The following CBFA2T2 variants were observed in gnomAD, a reference collection of about 807,000 sequenced individuals.
CBFA2T2 encodes the protein protein CBFA2T2.
A neutral mutation model predicts 62.2 loss-of-function variants in CBFA2T2; 11 were observed. The ratio of observed to expected loss-of-function variants is 0.18; its 90% CI spans 0.11 to 0.29. The LOEUF (loss-of-function observed/expected upper bound fraction) is 0.29, where lower values mean the gene tolerates loss of function less well. Among genes scored for constraint, CBFA2T2 ranks in the 10% least tolerant of loss-of-function variants. The pLI is 1.00. For synonymous variants in CBFA2T2, 295 were observed against 287.5 expected, an observed-to-expected ratio of 1.03 and a Z score of -0.27; for missense variants, 592 against 774.1, an observed-to-expected ratio of 0.76 and a Z score of 2.79.
At chr20:33,576,030 G>A (rs752037642) in intron 1 of CBFA2T2, among the ~76,000 whole-genome samples, 1 of 151,794 alleles carries the variant, frequency 6.6e-6, no homozygotes, top group African/African-American at 2.4e-5. Flanking sequence ...CTCGTGATCC[G>A]CCCACCTTGG....
rs562636712 is a variant in CBFA2T2, at chr20:33,523,669, A to G, written c.34+33368A>G. On this transcript the variant is annotated intron_variant, in intron 1 of 10. Coordinates refer to ENST00000342704, the MANE Select transcript of CBFA2T2 (RefSeq NM_001032999.3). ...CAGTTTAAGACCTAATTTATTCCCT[A>G]TGTGTTGTGTTTTTTGTTTTGTTTT... Among the ~76,000 whole-genome samples, 6 of 151,240 alleles carry G rather than the reference A, an allele frequency of 4.0e-5. No individual in the cohort carries two copies. In the East Asian group the frequency reaches 6.0e-4, roughly 15 times the overall value.
At chr20:33,535,104 T>G (rs2066614878) in intron 1 of CBFA2T2, among the ~76,000 whole-genome samples, 1 of 152,252 alleles carries the variant, frequency 6.6e-6, no homozygotes, top group African/African-American at 2.4e-5. Context: ...CTGGGCATCC[T>G]GCCATTTATG....
chr20:33,577,097 A>G (rs949612531), intron 1 of CBFA2T2, among the ~76,000 whole-genome samples: 1 of 152,226 alleles, frequency 6.6e-6, no homozygotes, highest in Non-Finnish European at 1.5e-5. Context: ...TTCTGCCTCC[A>G]TCTTTCAGTC....
intron 1 of CBFA2T2, among the ~76,000 whole-genome samples, chr20:33,499,338 T>C (rs1410666021): frequency 6.6e-6 from 1 of 152,220 alleles, no homozygotes; most frequent in East Asian, 1.9e-4. Context: ...TGTAAAGATT[T>C]ACTTCAAATC....
intron 1 of CBFA2T2, among the ~76,000 whole-genome samples, chr20:33,527,199 A>G (rs1305191754): frequency 1.3e-5 from 2 of 151,724 alleles, no homozygotes; most frequent in African/African-American, 2.4e-5. Flanking sequence ...TTGTGTGTGT[A>G]TTTTTGTTTG....
intron 1 of CBFA2T2, among the ~76,000 whole-genome samples, chr20:33,516,947 T>C (rs2011609741): frequency 6.6e-6 from 1 of 152,238 alleles, no homozygotes; most frequent in Non-Finnish European, 1.5e-5. Flanking sequence ...ACAGCAACAT[T>C]CGATATTGAT....
At chr20:33,508,367 G>T (rs1347707577) in intron 1 of CBFA2T2, among the ~76,000 whole-genome samples, 1 of 152,108 alleles carries the variant, frequency 6.6e-6, no homozygotes, top group Non-Finnish European at 1.5e-5. Flanking sequence ...AGTGCTGGGA[G>T]AACAGGTGTG....
intron 1 of CBFA2T2, among the ~76,000 whole-genome samples, chr20:33,583,728 T>C (rs2014221266): frequency 6.6e-6 from 1 of 152,232 alleles, no homozygotes; most frequent in East Asian, 1.9e-4. Flanking sequence ...GTCTACAGGG[T>C]GTGCTGTTAT....
At chr20:33,522,876 G>C (rs1040416458) in intron 1 of CBFA2T2, among the ~76,000 whole-genome samples, 2 of 152,162 alleles carry the variant, frequency 1.3e-5, no homozygotes, top group African/African-American at 4.8e-5. Context: ...AACTTCTTCA[G>C]CTTAAGAGAT....
At chr20:33,590,258 A>G (rs1414766218) in intron 1 of CBFA2T2, among the ~76,000 whole-genome samples, 1 of 152,016 alleles carries the variant, frequency 6.6e-6, no homozygotes, top group Non-Finnish European at 1.5e-5. Flanking sequence ...CAAAAAAAAA[A>G]AAAAAATCTG....
chr20:33,616,681 C>T (rs774822062), intron 3 of CBFA2T2, among the ~76,000 whole-genome samples: 42 of 151,078 alleles, frequency 2.8e-4, no homozygotes, highest in Non-Finnish European at 5.3e-4. Context: ...GAGCTGAGAT[C>T]ACACCACTGC....
chr20:33,594,516 G>A (rs543545889), intron 1 of CBFA2T2, among the ~76,000 whole-genome samples: 9 of 152,132 alleles, frequency 5.9e-5, no homozygotes, highest in East Asian at 1.9e-4. Flanking sequence ...CACCGAGCCC[G>A]GCCTACTGCT....
At chr20:33,586,376 C>T (rs1267522878) in intron 1 of CBFA2T2, among the ~76,000 whole-genome samples, 7 of 151,988 alleles carry the variant, frequency 4.6e-5, no homozygotes, top group East Asian at 1.9e-4. Flanking sequence ...CCTCATGATC[C>T]GCTCGCCTCA....
intron 1 of CBFA2T2, among the ~76,000 whole-genome samples, chr20:33,539,480 A>C (rs1239261528): frequency 1.3e-5 from 2 of 152,036 alleles, no homozygotes; most frequent in African/African-American, 4.8e-5. Context: ...ATTTCCTATC[A>C]TTGTTTACAT....
intron 1 of CBFA2T2, among the ~76,000 whole-genome samples, chr20:33,597,517 C>T (rs2014943819): frequency 6.6e-6 from 1 of 152,190 alleles, no homozygotes; most frequent in South Asian, 2.1e-4. Flanking sequence ...CGCCTGACCT[C>T]TGCCTCCTGC....
chr20:33,610,204 AC>A (rs1220400804), intron 2 of CBFA2T2, among the ~76,000 whole-genome samples: 1 of 152,176 alleles, frequency 6.6e-6, no homozygotes, highest in Non-Finnish European at 1.5e-5. Flanking sequence ...GTGGGAGGAC[AC>A]CTGAGTCCAG....
chr20:33,539,105 G>A (rs560557896), intron 1 of CBFA2T2, among the ~76,000 whole-genome samples: 58 of 152,334 alleles, frequency 3.8e-4, no homozygotes, highest in Middle Eastern at 3.4e-3. Flanking sequence ...GAGAGCATCA[G>A]AGTTGAGGTT....
intron 10 of CBFA2T2, 87 bp downstream of exon 10, chr20:33,640,618 A>T: frequency 8.1e-7 from 1 of 1,228,478 alleles, no homozygotes; most frequent in South Asian, 1.4e-5. Context: ...GCAGGAAGAC[A>T]CAGGCAGTCC....
At chr20:33,596,609 A>G (rs2014902588) in intron 1 of CBFA2T2, among the ~76,000 whole-genome samples, 1 of 152,040 alleles carries the variant, frequency 6.6e-6, no homozygotes, top group Non-Finnish European at 1.5e-5. Flanking sequence ...GAGTGGAAAT[A>G]CCTGCAGATC....
Sources: gnomAD v4.1 joint callset for allele counts (sites outside exome capture counted in the v4.1 genomes callset) on GRCh38, gnomAD v4.1.1 for gene constraint, MANE v1.5 for transcripts, NCBI Gene and HGNC (gene_info 2026-07-23, HGNC 2026-07-21) for gene names.